The following MEIS2 variants were observed in gnomAD, a reference collection of about 807,000 sequenced individuals.
The protein encoded by MEIS2 is homeobox protein Meis2.
In MEIS2, 9 loss-of-function variants were observed where a neutral mutation model predicts 58.6. The ratio of observed to expected loss-of-function variants is 0.15; its 90% CI spans 0.09 to 0.27. MEIS2 has a LOEUF of 0.27. MEIS2 is among the 10% of genes least tolerant of loss of function. MEIS2 has a pLI of 1.00. For missense variants in MEIS2, 427 were observed against 635.0 expected, an observed-to-expected ratio of 0.67 and a Z score of 3.52; for synonymous variants, 221 against 228.4, an observed-to-expected ratio of 0.97 and a Z score of 0.29.
rs148283394 is a variant in MEIS2, at chr15:36,988,521, A to G, written c.901-38121T>C. On this transcript the variant is annotated intron_variant, in intron 8 of 11. Transcript: ENST00000561208. ...CTCTCTAGACAATTGCTATGACTTT[A>G]CTTGTTATAATAGATAACAGTCCTG... is the stretch of plus-strand genomic sequence containing the variant. Among the ~76,000 whole-genome samples, 420 of 152,294 alleles carry G rather than the reference A, an allele frequency of 2.8e-3. 2 individuals are homozygous for G. The highest frequency in any genetic ancestry group is 9.3e-3 in the African/African-American group (386 of 41,580).
At chr15:36,969,536 T>C (rs988433818) in intron 8 of MEIS2, among the ~76,000 whole-genome samples, 1 of 152,240 alleles carries the variant, frequency 6.6e-6, no homozygotes, top group Non-Finnish European at 1.5e-5. Context: ...GTATTGTTTA[T>C]ATGAGAACAA....
chr15:37,047,915 A>G (rs557125101), intron 7 of MEIS2, among the ~76,000 whole-genome samples: 6 of 152,216 alleles, frequency 3.9e-5, no homozygotes, highest in Non-Finnish European at 5.9e-5. Context: ...AATAGCTGTT[A>G]TTCTGTTTAA....
chr15:37,068,150 T>C (rs1388694548), intron 7 of MEIS2, among the ~76,000 whole-genome samples: 1 of 152,172 alleles, frequency 6.6e-6, no homozygotes, highest in Non-Finnish European at 1.5e-5. Context: ...TCACATTGCA[T>C]GTGGGAGTCA....
chr15:37,098,252 G>T (rs1337292337), intron 1 of MEIS2, 53 bp from the exon 2 acceptor site: 1 of 1,494,516 alleles, frequency 6.7e-7, no homozygotes, highest in East Asian at 2.4e-5. Context: ...GAGAACAGAG[G>T]AGGGGGGTGG....
At chr15:37,027,372 C>A (rs193090097) in intron 8 of MEIS2, among the ~76,000 whole-genome samples, 1 of 152,276 alleles carries the variant, frequency 6.6e-6, no homozygotes, top group Admixed American at 6.5e-5. Context: ...ATTCTCATAA[C>A]CCAGTCAACT....
chr15:37,028,239 A>G (rs1470065595), intron 8 of MEIS2, among the ~76,000 whole-genome samples: 1 of 152,178 alleles, frequency 6.6e-6, no homozygotes, highest in Non-Finnish European at 1.5e-5. Context: ...ATGTTTTTGC[A>G]TTGAGGAGAC....
intron 9 of MEIS2, among the ~76,000 whole-genome samples, chr15:36,928,652 T>C (rs903544584): frequency 6.6e-6 from 1 of 152,180 alleles, no homozygotes; most frequent in Non-Finnish European, 1.5e-5. Context: ...ATCTTGTATA[T>C]AAGTGGAGAT....
intron 7 of MEIS2, among the ~76,000 whole-genome samples, chr15:37,060,227 A>AT (rs1441445392): frequency 6.6e-6 from 1 of 152,176 alleles, no homozygotes; most frequent in African/African-American, 2.4e-5. Flanking sequence ...AGGCATGAGC[A>AT]AACTCTCTAA....
chr15:37,007,218 C>G (rs918305124), intron 8 of MEIS2, among the ~76,000 whole-genome samples: 1 of 152,102 alleles, frequency 6.6e-6, no homozygotes, highest in Non-Finnish European at 1.5e-5. Flanking sequence ...CTAGAGGCTT[C>G]TGGGAAGCCT....
At chr15:36,943,966 C>T (rs913586681) in intron 9 of MEIS2, among the ~76,000 whole-genome samples, 9 of 151,968 alleles carry the variant, frequency 5.9e-5, no homozygotes, top group African/African-American at 1.7e-4. Flanking sequence ...AAATGGTACT[C>T]CCATCTCTAC....
intron 8 of MEIS2, among the ~76,000 whole-genome samples, chr15:36,964,212 A>T (rs2059284087): frequency 6.6e-6 from 1 of 152,226 alleles, no homozygotes; most frequent in Non-Finnish European, 1.5e-5. Context: ...GCCAAATGAA[A>T]CATTCTGGTG....
chr15:37,005,666 C>T (rs576277279), intron 8 of MEIS2, among the ~76,000 whole-genome samples: 12 of 152,258 alleles, frequency 7.9e-5, no homozygotes, highest in East Asian at 3.9e-4. Flanking sequence ...AGAGATCCTC[C>T]GCCTCTCAGC....
intron 9 of MEIS2, 79 bp from the exon 10 acceptor site, chr15:36,896,765 C>T: frequency 9.5e-7 from 1 of 1,050,896 alleles, no homozygotes; most frequent in Non-Finnish European, 1.5e-6. Flanking sequence ...TGCTGAGGAG[C>T]ACAAAATACA....
At chr15:37,073,290 C>G (rs1890951043) in intron 7 of MEIS2, among the ~76,000 whole-genome samples, 1 of 152,022 alleles carries the variant, frequency 6.6e-6, no homozygotes, top group Non-Finnish European at 1.5e-5. Context: ...TTCAGATCCA[C>G]CTGCTTCCAA....
At chr15:37,086,822 A>G (rs1316763728) in intron 6 of MEIS2, among the ~76,000 whole-genome samples, 2 of 152,220 alleles carry the variant, frequency 1.3e-5, no homozygotes, top group Non-Finnish European at 2.9e-5. Flanking sequence ...ACAAATACAA[A>G]TGTTGATAAT....
At chr15:37,020,764 C>A (rs962746305) in intron 8 of MEIS2, among the ~76,000 whole-genome samples, 7 of 151,190 alleles carry the variant, frequency 4.6e-5, no homozygotes, top group East Asian at 1.9e-4. Flanking sequence ...GAAAAAAAAA[C>A]CCATAAACCT....
chr15:37,094,232 A>C (rs1391885969), intron 5 of MEIS2, among the ~76,000 whole-genome samples: 1 of 152,240 alleles, frequency 6.6e-6, no homozygotes, highest in Non-Finnish European at 1.5e-5. Context: ...GAGCTAATAA[A>C]GATGCAAGCA....
intron 6 of MEIS2, among the ~76,000 whole-genome samples, chr15:37,088,893 T>C (rs1449788298): frequency 6.6e-6 from 1 of 152,042 alleles, no homozygotes; most frequent in Admixed American, 6.6e-5. Flanking sequence ...AAAAAGAAAA[T>C]GAATTAAAGA....
At chr15:36,937,125 A>G (rs2058206431) in intron 9 of MEIS2, among the ~76,000 whole-genome samples, 1 of 152,206 alleles carries the variant, frequency 6.6e-6, no homozygotes. Flanking sequence ...GGGATATGAT[A>G]TTGGAGGTAC....
Sources: gnomAD v4.1 joint callset for allele counts (sites outside exome capture counted in the v4.1 genomes callset) on GRCh38, gnomAD v4.1.1 for gene constraint, MANE v1.5 for transcripts, NCBI Gene and HGNC (gene_info 2026-07-23, HGNC 2026-07-21) for gene names.